GLRA1: variants seen among roughly 807,000 people sequenced by gnomAD.
The protein encoded by GLRA1 is glycine receptor subunit alpha-1.
A neutral mutation model predicts 48.3 loss-of-function variants in GLRA1; 37 were observed. The ratio of observed to expected loss-of-function variants is 0.77; its 90% CI spans 0.59 to 1.01. The LOEUF (loss-of-function observed/expected upper bound fraction) is 1.01. Among genes scored for constraint, GLRA1 ranks in the 50% least tolerant of loss-of-function variants. The pLI, the probability that GLRA1 is intolerant of heterozygous loss-of-function variation, is 0.00. For synonymous variants in GLRA1, 196 were observed against 210.7 expected (o/e 0.93, Z 0.60); for missense variants, 427 against 571.0 (o/e 0.75, Z 2.57).
intron 1 of GLRA1, among the ~76,000 whole-genome samples, chr5:151,906,095 T>A (rs1312219182): frequency 6.6e-6 from 1 of 152,186 alleles, no homozygotes; most frequent in Non-Finnish European, 1.5e-5. Flanking sequence ...AGCTGTGTGA[T>A]CTTAGGCAAG....
chr5:151,912,774 G>A (rs11747690), intron 1 of GLRA1, among the ~76,000 whole-genome samples: 3 of 152,180 alleles, frequency 2.0e-5, no homozygotes, highest in Non-Finnish European at 4.4e-5. Flanking sequence ...TTATCTATGA[G>A]GGGGTAGTGG....
chr5:151,912,260 CTG>C (rs1754633799), intron 1 of GLRA1, among the ~76,000 whole-genome samples: 3 of 88,794 alleles, frequency 3.4e-5, no homozygotes, highest in African/African-American at 5.2e-5. Flanking sequence ...CCTGTGAAGA[CTG>C]TTTTTTTTTT....
intron 6 of GLRA1, among the ~76,000 whole-genome samples, chr5:151,852,861 T>A (rs1752946867): frequency 6.6e-6 from 1 of 152,226 alleles, no homozygotes; most frequent in African/African-American, 2.4e-5. Flanking sequence ...CCATGATATA[T>A]TTCTCAATGG....
At chr5:151,903,956 G>A in intron 1 of GLRA1, among the ~76,000 whole-genome samples, 1 of 152,204 alleles carries the variant, frequency 6.6e-6, no homozygotes, top group Non-Finnish European at 1.5e-5. Flanking sequence ...GCAAGTTTTG[G>A]AGCAGCTGTT....
chr5:151,863,974 C>T (rs7712779), intron 3 of GLRA1, among the ~76,000 whole-genome samples: 67,880 of 152,070 alleles, frequency 0.45, 15,603 homozygotes, highest in African/African-American at 0.56. Flanking sequence ...CATAATCTCA[C>T]ATCTTATAAG....
intron 4 of GLRA1, 120 bp downstream of exon 4, chr5:151,859,665 G>T: frequency 1.4e-6 from 1 of 734,128 alleles, no homozygotes; most frequent in Non-Finnish European, 2.5e-6. Flanking sequence ...TTCTGCAAAG[G>T]TGTTGGGTTG....
In GLRA1 at chr5:151,899,270, G is replaced by T. The variant is rs561067182; in HGVS notation, c.57-6832C>A. On this transcript the variant is annotated intron_variant, in intron 1 of 8. Coordinates refer to ENST00000274576, the MANE Select transcript of GLRA1 (RefSeq NM_000171.4). ...AATTGGACTGCTATGGTGGCTCAGT[G>T]GTGGAAGGCAGTATTTGAGGGGAAG... Among the ~76,000 whole-genome samples the T allele has an allele frequency of 3.3e-5, 5 of 152,302 alleles. 1 individual carries two copies. Among genetic ancestry groups the T allele is most frequent in the African/African-American group, 1.2e-4 (5 of 41,574 alleles).
intron 1 of GLRA1, among the ~76,000 whole-genome samples, chr5:151,911,137 A>G (rs1754598848): frequency 6.6e-6 from 1 of 152,204 alleles, no homozygotes; most frequent in East Asian, 1.9e-4. Flanking sequence ...CTTGAGCTCA[A>G]CATCATTCAG....
chr5:151,883,869 G>A (rs2964597), intron 3 of GLRA1, among the ~76,000 whole-genome samples: 82,898 of 151,976 alleles, frequency 0.55, 23,188 homozygotes, highest in East Asian at 0.69. Context: ...CTGCTACACC[G>A]TTTCTGTAGA....
At chr5:151,872,374 C>T (rs1269109848) in intron 3 of GLRA1, among the ~76,000 whole-genome samples, 1 of 149,590 alleles carries the variant, frequency 6.7e-6, no homozygotes, top group East Asian at 1.9e-4. Flanking sequence ...TTTTGAAAAT[C>T]CCATTTGGTG....
chr5:151,859,698 T>G, intron 4 of GLRA1, 87 bp downstream of exon 4: 1 of 964,030 alleles, frequency 1.0e-6, no homozygotes, highest in Non-Finnish European at 1.7e-6. Context: ...CACCTCTGTT[T>G]GGCCCCTCTT....
Position 151,855,077 on chromosome 5 carries a change from C to T in GLRA1, c.660G>A (p.Glu220=). The part of the protein sequence containing the change: ...LTLPQFILKE[E]KDLRYCTKHY... ...GCTTGGTGCAGTATCTCAAGTCCTT[C>T]TCTTCCTTCAAGATAAACTGGGGCA... The change falls in exon 6 of 9, where the codon GAG becomes GAA. Residue 220 remains glutamate, a synonymous_variant. Coordinates refer to ENST00000274576, the MANE Select transcript of GLRA1 (RefSeq NM_000171.4). The T allele has an allele frequency of 6.2e-7, 1 of 1,614,138 alleles. No homozygotes were observed. Among genetic ancestry groups the T allele is most frequent in the South Asian group, 1.1e-5 (1 of 91,074 alleles).
At chr5:151,828,022 G>T (rs551452745) in intron 8 of GLRA1, among the ~76,000 whole-genome samples, 1 of 152,124 alleles carries the variant, frequency 6.6e-6, no homozygotes, top group East Asian at 1.9e-4. Context: ...ACCAAACACG[G>T]TCTCTGCCTT....
intron 3 of GLRA1, among the ~76,000 whole-genome samples, chr5:151,874,721 G>A (rs59891102): frequency 0.047 from 7,226 of 152,176 alleles, 601 homozygotes; most frequent in African/African-American, 0.16. Context: ...TTAGGTAGGG[G>A]GGTGGAGAAG....
chr5:151,885,992 T>A (rs891037845), intron 3 of GLRA1, among the ~76,000 whole-genome samples: 7 of 152,158 alleles, frequency 4.6e-5, no homozygotes, highest in Non-Finnish European at 7.4e-5. Flanking sequence ...GAGTTAACTT[T>A]AGGCTGCCCT....
chr5:151,889,768 G>A (rs1486363082), intron 2 of GLRA1, among the ~76,000 whole-genome samples: 1 of 152,122 alleles, frequency 6.6e-6, no homozygotes, highest in Non-Finnish European at 1.5e-5. Flanking sequence ...ATTTGTGTCG[G>A]TGGAAGCAGG....
Position 151,829,123 on chromosome 5 carries a change from T to C in GLRA1, c.913-56A>G, listed in dbSNP as rs973895006. 6.4e-6 allele frequency: 10 copies of C among 1,554,210 alleles called. No individual in the cohort carries two copies. The Admixed American group carries it at 1.0e-4, about 16-fold the overall frequency. On this transcript the variant is annotated intron_variant, in intron 7 of 8. Transcript: ENST00000274576. Reference sequence around the variant, plus strand: ...GTGAAAGCAGGGGAATGTAAAACATTAAGCATGGCGGAATATTTTCTGCTC... The same window carrying C: ...GTGAAAGCAGGGGAATGTAAAACATCAAGCATGGCGGAATATTTTCTGCTC...
At chr5:151,922,555 C>A (rs1057077152) in intron 1 of GLRA1, among the ~76,000 whole-genome samples, 1 of 152,234 alleles carries the variant, frequency 6.6e-6, no homozygotes, top group Admixed American at 6.5e-5. Context: ...TATAACTCTT[C>A]TTTCCTTATA....
At chr5:151,827,386 G>A (rs1399030775) in intron 8 of GLRA1, among the ~76,000 whole-genome samples, 2 of 152,110 alleles carry the variant, frequency 1.3e-5, no homozygotes, top group African/African-American at 4.8e-5. Flanking sequence ...ACTGCCAGAA[G>A]TTAATTGAAT....
Sources: gnomAD v4.1 joint callset for allele counts (sites outside exome capture counted in the v4.1 genomes callset) on GRCh38, gnomAD v4.1.1 for gene constraint, MANE v1.5 for transcripts, NCBI Gene and HGNC (gene_info 2026-07-23, HGNC 2026-07-21) for gene names.